Variants in ABR observed in about 807,000 individuals in gnomAD.
ABR encodes active breakpoint cluster region-related protein.
Under a neutral mutation model 107.2 loss-of-function variants are expected in ABR, and 35 were observed. The ratio of observed to expected loss-of-function variants is 0.33; its 90% CI spans 0.25 to 0.43. The LOEUF is 0.43. Among genes scored for constraint, ABR ranks in the 20% least tolerant of loss-of-function variants. The pLI is 1.00. For synonymous variants in ABR, 498 were observed against 462.0 expected (o/e 1.08, Z -1.00); for missense variants, 815 against 1,115.2 (o/e 0.73, Z 3.83).
intron 1 of ABR, among the ~76,000 whole-genome samples, chr17:1,137,378 C>G (rs1283016390): frequency 1.3e-5 from 2 of 152,022 alleles, no homozygotes; most frequent in Non-Finnish European, 2.9e-5. Context: ...TTTAAAGTGA[C>G]AGACGCACAC....
At chr17:1,135,018 ATT>A (rs2039995542) in intron 1 of ABR, among the ~76,000 whole-genome samples, 1 of 152,218 alleles carries the variant, frequency 6.6e-6, no homozygotes, top group South Asian at 2.1e-4. Flanking sequence ...AGCTGCTATT[ATT>A]ACTGTTATTA....
At chr17:1,193,930 G>A (rs577063401) in intron 1 of ABR, among the ~76,000 whole-genome samples, 27 of 152,024 alleles carry the variant, frequency 1.8e-4, no homozygotes, top group Non-Finnish European at 2.4e-4. Flanking sequence ...TCCTGACCTC[G>A]TGATCTGCCC....
intron 5 of ABR, among the ~76,000 whole-genome samples, chr17:1,080,565 G>A (rs555380645): frequency 6.6e-6 from 1 of 152,210 alleles, no homozygotes; most frequent in Non-Finnish European, 1.5e-5. Context: ...TGAGGCCAGG[G>A]TCAGGTGCCC....
chr17:1,010,892 C>A lies in ABR; in HGVS notation c.2102-29G>T. 1.9e-6 allele frequency: 3 copies of A among 1,611,608 alleles called. No individual in the cohort carries two copies. Among genetic ancestry groups the A allele is most frequent in the Non-Finnish European group, 2.5e-6 (3 of 1,179,742 alleles). On this transcript the variant is annotated intron_variant, in intron 19 of 22. Coordinates refer to ENST00000302538, the MANE Select transcript of ABR (RefSeq NM_021962.5). The surrounding 1 kb of genome is among the most constrained non-coding windows in gnomAD (Gnocchi z 4.1). ...CAGGGGTGGGGCCGAGGTCAGGCAGCCTTAGCTGGGCCAGCAGCCCCGTTC... is the reference window on the plus strand; with the variant it reads ...CAGGGGTGGGGCCGAGGTCAGGCAGACTTAGCTGGGCCAGCAGCCCCGTTC...
chr17:1,108,900 C>T, intron 2 of ABR: 5 of 1,555,898 alleles, frequency 3.2e-6, no homozygotes, highest in Non-Finnish European at 4.3e-6. Context: ...CCGGCCCGGC[C>T]CCCCCCAGCG....
intron 12 of ABR, 100 bp from the exon 13 acceptor site, chr17:1,057,202 G>A: frequency 2.6e-6 from 2 of 760,138 alleles, no homozygotes; most frequent in South Asian, 1.5e-5. Flanking sequence ...TTAATCCCTG[G>A]GGCAGACTTG....
At chr17:1,112,937 TCAG>T (rs769190926) in intron 2 of ABR, among the ~76,000 whole-genome samples, 1 of 150,866 alleles carries the variant, frequency 6.6e-6, no homozygotes, top group Non-Finnish European at 1.5e-5. Context: ...CCTGACCCAA[TCAG>T]CAAGCATTTG....
rs1210286930 is a variant in ABR, at chr17:1,050,668, A to T, written c.1562-34T>A. 6.3e-7 allele frequency: 1 copy of T among 1,584,472 alleles called. No homozygotes were observed. Among genetic ancestry groups the T allele is most frequent in the Non-Finnish European group, 8.7e-7 (1 of 1,153,954 alleles). On this transcript the variant is annotated intron_variant, in intron 14 of 22. Coordinates refer to ENST00000302538, the MANE Select transcript of ABR (RefSeq NM_021962.5). The surrounding 1 kb of genome is among the most constrained non-coding windows in gnomAD (Gnocchi z 4.6). ...GAAGGACAGACGGAGATACTGAGTG[A>T]GTGGGGCCAGGGTGGGGCAGCTGGG...
chr17:1,023,260 ATGGC>A (rs2071869089), intron 16 of ABR, among the ~76,000 whole-genome samples: 1 of 152,214 alleles, frequency 6.6e-6, no homozygotes, highest in East Asian at 1.9e-4. Context: ...CGGGCTGGGC[ATGGC>A]TGACCTTGAG....
At chr17:1,033,189 C>A (rs965976358) in intron 16 of ABR, among the ~76,000 whole-genome samples, 1 of 152,204 alleles carries the variant, frequency 6.6e-6, no homozygotes, top group African/African-American at 2.4e-5. Flanking sequence ...GGCCCAGAGA[C>A]GAGCCCTCGG....
chr17:1,068,133 A>C (rs766536537), intron 9 of ABR, among the ~76,000 whole-genome samples: 5 of 152,186 alleles, frequency 3.3e-5, no homozygotes, highest in Non-Finnish European at 5.9e-5. Flanking sequence ...GAGTTTTGCC[A>C]TGTTGGCCAG....
At chr17:1,021,706 A>G (rs2071670192) in intron 16 of ABR, among the ~76,000 whole-genome samples, 1 of 151,832 alleles carries the variant, frequency 6.6e-6, no homozygotes. Context: ...GGGGAGGCTG[A>G]GGCAGGAGAA....
At chr17:1,048,109 G>GCTCC (rs578242244) in intron 16 of ABR, among the ~76,000 whole-genome samples, 10 of 152,214 alleles carry the variant, frequency 6.6e-5, no homozygotes, top group Middle Eastern at 3.4e-3. Context: ...GGGAGATGGG[G>GCTCC]CTCCCTCCCC....
chr17:1,195,070 G>A (rs1400548897), intron 1 of ABR, among the ~76,000 whole-genome samples: 1 of 146,112 alleles, frequency 6.8e-6, no homozygotes, highest in African/African-American at 2.5e-5. Context: ...CACTTTGGGA[G>A]GCCGAGGCGG....
Position 1,058,016 on chromosome 17 carries a change from G to C in ABR, c.1335C>G (p.Tyr445Ter). Residue 445 changes from tyrosine to a stop codon, truncating the protein, a stop_gained, in exon 12 of 23, where the codon TAC becomes TAG. Coordinates refer to ENST00000302538, the MANE Select transcript of ABR (RefSeq NM_021962.5). LOFTEE classifies it high-confidence loss of function. ...KSYLFLLSSD[Y>*]ERSEWREAIQ... Reference sequence around the variant, plus strand: ...TTGCTTCTCTCCACTCTGACCTCTCGTAGTCCGAGGACAGTAGGAACAGGT... The same window carrying C: ...TTGCTTCTCTCCACTCTGACCTCTCCTAGTCCGAGGACAGTAGGAACAGGT... 1 of 1,613,872 alleles carries C rather than the reference G, an allele frequency of 6.2e-7. No individual in the cohort carries two copies. Among genetic ancestry groups the C allele is most frequent in the Non-Finnish European group, 8.5e-7 (1 of 1,179,876 alleles).
At chr17:1,226,809 G>A (rs963873802) in intron 1 of ABR, among the ~76,000 whole-genome samples, 1 of 151,866 alleles carries the variant, frequency 6.6e-6, no homozygotes, top group Non-Finnish European at 1.5e-5. Flanking sequence ...GTGCAGGTGT[G>A]TGTGTATATG....
At chr17:1,134,796 C>T (rs576664777) in intron 1 of ABR, among the ~76,000 whole-genome samples, 45 of 152,304 alleles carry the variant, frequency 3.0e-4, no homozygotes, top group African/African-American at 1.0e-3. Context: ...GGTCCGGCAG[C>T]GGAGGTTCCA....
chr17:1,193,221 T>A (rs2042473785), intron 1 of ABR, among the ~76,000 whole-genome samples: 1 of 151,984 alleles, frequency 6.6e-6, no homozygotes, highest in African/African-American at 2.4e-5. Context: ...ACAACAGAAT[T>A]AGCAGCTTTT....
chr17:1,198,416 C>A (rs1308750670), intron 1 of ABR, among the ~76,000 whole-genome samples: 2 of 151,540 alleles, frequency 1.3e-5, no homozygotes, highest in African/African-American at 4.9e-5. Flanking sequence ...CGGCAACTTC[C>A]CACCTGGCCT....
Sources: allele counts gnomAD v4.1 joint callset (sites outside exome capture counted in the v4.1 genomes callset), GRCh38; gene constraint gnomAD v4.1.1; non-coding constraint Gnocchi (gnomAD v3.1); transcripts MANE v1.5; gene names NCBI Gene and HGNC (gene_info 2026-07-23, HGNC 2026-07-21).